Variants in PWWP3A observed in about 807,000 individuals in gnomAD.
The protein encoded by PWWP3A is PWWP domain containing 3A, DNA repair factor, also known as PWWP domain-containing DNA repair factor 3A.
In PWWP3A, 53 loss-of-function variants were observed where a neutral mutation model predicts 79.0. The observed-to-expected ratio is 0.67, with a 90% CI of 0.54 to 0.84. The LOEUF is 0.84. Among genes scored for constraint, PWWP3A ranks in the 40% least tolerant of loss-of-function variants. The pLI is 0.00. For missense variants in PWWP3A, 973 were observed against 948.0 expected (o/e 1.03, Z -0.35); for synonymous variants, 443 against 394.4 (o/e 1.12, Z -1.46).
At chr19:1,371,479 CTG>C (rs1373960744) in intron 12 of PWWP3A, 2 of 685,602 alleles carry the variant, frequency 2.9e-6, no homozygotes, top group Admixed American at 4.1e-5. Flanking sequence ...AGTTGAAAAA[CTG>C]TAAGTGGATA....
intron 4 of PWWP3A, chr19:1,359,882 A>G (rs1484945978): frequency 2.9e-6 from 1 of 345,358 alleles, no homozygotes; most frequent in East Asian, 4.5e-5. Flanking sequence ...TTATCTTTTT[A>G]GCCAATCAGG....
chr19:1,369,669 G>GA lies in PWWP3A; in HGVS notation c.1549+27dup. Reference sequence around the variant, plus strand: ...TAAGTAAGTCTACAGGCACATCTTGGAAAATGTGGTTTGCCTTTTAGCCCT... The same window carrying GA: ...TAAGTAAGTCTACAGGCACATCTTGGAAAAATGTGGTTTGCCTTTTAGCCCT... On this transcript the variant is annotated intron_variant, in intron 11 of 13. Transcript: ENST00000591337. This position sits in a 1 kb window ranked among gnomAD's most constrained non-coding sequence, Gnocchi z 4.0. The GA allele has an allele frequency of 6.2e-7, 1 of 1,613,768 alleles. No homozygotes were observed. The highest frequency in any genetic ancestry group is 1.1e-5 in the South Asian group (1 of 91,082).
intron 7 of PWWP3A, among the ~76,000 whole-genome samples, chr19:1,365,581 T>C (rs2082110934): frequency 6.6e-6 from 1 of 152,264 alleles, no homozygotes; most frequent in South Asian, 2.1e-4. Context: ...AACACGTTTA[T>C]GGCCTAGCTG....
chr19:1,356,191 T>A, intron 1 of PWWP3A, 133 bp from the exon 2 acceptor site: 6 of 574,150 alleles, frequency 1.0e-5, no homozygotes, highest in Non-Finnish European at 1.9e-5. Context: ...GCATTGAGCA[T>A]CTCAATGCAA....
Position 1,376,884 on chromosome 19 carries a change from T to C in PWWP3A, c.*308T>C. The C allele has an allele frequency of 3.7e-6, 1 of 268,256 alleles. No homozygotes were observed. Among genetic ancestry groups the C allele is most frequent in the Non-Finnish European group, 7.0e-6 (1 of 142,760 alleles). The allele number at this position is 268,256 out of a possible 1,614,324, so 16.6% of individuals were successfully genotyped here. A position where few individuals can be genotyped will look rare whatever the true frequency, so the allele number is the denominator to read the frequency against. Reference sequence around the variant, plus strand: ...TGCGCCAGTACTCCTGGCTGTGCTGTGGTTTCTCCCGACGTGCACATCGAT... The same window carrying C: ...TGCGCCAGTACTCCTGGCTGTGCTGCGGTTTCTCCCGACGTGCACATCGAT... On this transcript the variant is annotated 3_prime_UTR_variant, in exon 14 of 14. Transcript: ENST00000591337.
intron 13 of PWWP3A, 160 bp downstream of exon 13, chr19:1,373,320 C>T: frequency 1.6e-5 from 10 of 643,230 alleles, no homozygotes; most frequent in Non-Finnish European, 2.8e-5. Context: ...GCTGAACTCA[C>T]CCTGTGGGTC....
intron 7 of PWWP3A, among the ~76,000 whole-genome samples, chr19:1,365,374 C>T (rs943387715): frequency 2.0e-5 from 3 of 152,378 alleles, no homozygotes; most frequent in East Asian, 3.9e-4. Flanking sequence ...TTCGCCTCTC[C>T]TTCATATCTT....
At chr19:1,367,279 G>A (rs2082149568) in intron 9 of PWWP3A, 59 bp downstream of exon 9, 1 of 1,387,846 alleles carries the variant, frequency 7.2e-7, no homozygotes. Flanking sequence ...TAGTAAATAT[G>A]TCCTCTGTGT....
rs113387655 is a variant in PWWP3A at position 1,358,264 on chromosome 19, G to A, written c.144-130G>A. The A allele has an allele frequency of 4.2e-4, 336 of 801,882 alleles. 1 individual carries two copies. The African/African-American group carries it at 4.9e-3, about 12-fold the overall frequency. 49.7% of individuals were successfully genotyped at this position (801,882 alleles called of 1,614,324 possible). On this transcript the variant is annotated intron_variant, in intron 3 of 13. Coordinates refer to ENST00000591337, the MANE Select transcript of PWWP3A (RefSeq NM_001369789.1). ...GGCAGATGAATTCCTAGTTGGCTGTGACTTTTGGTTTAAGTGGAAGGTTGA... is the reference window on the plus strand; with the variant it reads ...GGCAGATGAATTCCTAGTTGGCTGTAACTTTTGGTTTAAGTGGAAGGTTGA...
Position 1,368,525 on chromosome 19 carries a change from G to A in PWWP3A, c.1423-740G>A, listed in dbSNP as rs1245511691. 2.6e-5 allele frequency among the ~76,000 whole-genome samples: 4 copies of A among 152,274 alleles called. No individual in the cohort carries two copies. Among genetic ancestry groups the A allele is most frequent in the African/African-American group, 7.2e-5 (3 of 41,572 alleles). Reference sequence around the variant, plus strand: ...GGCAGGCAGAGAGCGGCGTCCACCCGGCCCTGGGATGTGCTTATGGGGTGC... The same window carrying A: ...GGCAGGCAGAGAGCGGCGTCCACCCAGCCCTGGGATGTGCTTATGGGGTGC... On this transcript the variant is annotated intron_variant, in intron 9 of 13. Coordinates refer to ENST00000591337, the MANE Select transcript of PWWP3A (RefSeq NM_001369789.1). The surrounding 1 kb of genome is among the most constrained non-coding windows in gnomAD (Gnocchi z 4.7).
intron 13 of PWWP3A, among the ~76,000 whole-genome samples, chr19:1,375,186 G>T (rs1265490352): frequency 6.7e-6 from 1 of 148,342 alleles, no homozygotes; most frequent in Admixed American, 6.8e-5. Context: ...TTGTGCTACT[G>T]CATTCCAGCC....
rs372443902 is a variant in PWWP3A, at chr19:1,375,600, TTATAA to T, written c.2076-914_2076-910del. ...TATATAAAATGTATAATTTTATATA[TTATAA>T]TATATACAATTATATAACAATTTTA... On this transcript the variant is annotated intron_variant, in intron 13 of 13. Coordinates refer to ENST00000591337, the MANE Select transcript of PWWP3A (RefSeq NM_001369789.1). Among the ~76,000 whole-genome samples the T allele has an allele frequency of 6.1e-3, 316 of 52,080 alleles. 2 individuals carry two copies. Among genetic ancestry groups the T allele is most frequent in the Non-Finnish European group, 9.0e-3 (225 of 24,990 alleles). 34.2% of individuals were successfully genotyped at this position (52,080 alleles called of 152,430 possible).
At chr19:1,361,142 G>C (rs1212818411) in intron 5 of PWWP3A, 110 bp downstream of exon 5, 2 of 1,133,798 alleles carry the variant, frequency 1.8e-6, no homozygotes, top group African/African-American at 3.3e-5. Flanking sequence ...TAATGAGATC[G>C]TTGCCAAAAT....
In PWWP3A at chr19:1,360,836, G is replaced by C; in HGVS notation, c.915G>C (p.Leu305=). 1.3e-6 allele frequency: 2 copies of C among 1,562,132 alleles called. No homozygotes were observed. The highest frequency in any genetic ancestry group is 8.7e-7 in the Non-Finnish European group (1 of 1,155,364). ...GCCCTGCGAAAAAGAGGCCGCGCCT[G>C]GATGGCAGCCAAAGGCCGCCTGCCG... The part of the protein sequence containing the change: ...GECPAKKRPR[L]DGSQRPPAVQ... The change falls in exon 5 of 14, where the codon CTG becomes CTC. Residue 305 remains leucine (L), a synonymous_variant. Coordinates refer to ENST00000591337, the MANE Select transcript of PWWP3A (RefSeq NM_001369789.1). The surrounding 1 kb of genome is among the most constrained non-coding windows in gnomAD (Gnocchi z 4.4).
At chr19:1,356,084 C>T (rs1414478822) in intron 1 of PWWP3A, among the ~76,000 whole-genome samples, 1 of 152,124 alleles carries the variant, frequency 6.6e-6, no homozygotes, top group Admixed American at 6.5e-5. Flanking sequence ...TAGATAGAAC[C>T]TTTGGGAGGG....
chr19:1,361,397 C>G (rs891296438), intron 5 of PWWP3A, among the ~76,000 whole-genome samples: 3 of 152,304 alleles, frequency 2.0e-5, no homozygotes, highest in Admixed American at 2.0e-4. Context: ...GAAGCAGTAA[C>G]GCATTCCTAT....
At position 1,370,861 on chromosome 19, in the gene PWWP3A, G is replaced by A. The variant is rs377319582; in HGVS notation, c.1769G>A (p.Arg590Gln). ...VKAKGAESHL[R>Q]AILKSRKPSR... Reference sequence around the variant, plus strand: ...GCCAAGGGCGCGGAGAGCCACCTGCGGGCCATCCTAAAGAGCAGGAAGCCA... The same window carrying A: ...GCCAAGGGCGCGGAGAGCCACCTGCAGGCCATCCTAAAGAGCAGGAAGCCA... Residue 590 changes from arginine to glutamine, a missense_variant, in exon 12 of 14, where the codon CGG becomes CAG. Transcript: ENST00000591337. 154 of 1,562,032 alleles carry A rather than the reference G, an allele frequency of 9.9e-5. 4 individuals are homozygous for A. In the South Asian group the frequency reaches 1.5e-3, roughly 15 times the overall value.
rs750673112 is a variant in PWWP3A at position 1,370,818 on chromosome 19, G to C, written c.1726G>C (p.Val576Leu). ...CCGGGACCGGGCCAACCAGAAGCTG[G>C]TGGAGTACATTGTGAAGGCCAAGGG... Reference protein sequence around the residue: ...AARDRANQKLVEYIVKAKGAE... With the variant: ...AARDRANQKLLEYIVKAKGAE... Residue 576 changes from valine to leucine, a missense_variant, in exon 12 of 14, where the codon GTG (valine) becomes CTG (leucine). Val to Leu is a conservative substitution (Grantham distance 32). Transcript: ENST00000591337. 6.4e-7 allele frequency: 1 copy of C among 1,571,388 alleles called. No homozygotes were observed. Among genetic ancestry groups the C allele is most frequent in the South Asian group, 1.2e-5 (1 of 85,790 alleles).
At chr19:1,358,731 G>A in intron 4 of PWWP3A, 1 of 1,405,870 alleles carries the variant, frequency 7.1e-7, no homozygotes, top group Non-Finnish European at 9.6e-7. Flanking sequence ...GTACCCCCGT[G>A]GCCTCCAGTA....
Sources: gnomAD v4.1 joint callset for allele counts (sites outside exome capture counted in the v4.1 genomes callset) on GRCh38, gnomAD v4.1.1 for gene constraint, Gnocchi (gnomAD v3.1) non-coding constraint, MANE v1.5 for transcripts, NCBI Gene and HGNC (gene_info 2026-07-23, HGNC 2026-07-21) for gene names.